GPC5: variants seen among roughly 807,000 people sequenced by gnomAD.
The protein encoded by GPC5 is glypican-5.
A neutral mutation model predicts 53.9 loss-of-function variants in GPC5; 47 were observed. That is an observed-to-expected ratio of 0.87 (90% CI 0.69 to 1.11). GPC5 has a LOEUF of 1.11. Ranked by LOEUF, GPC5 falls within the 50% of genes most tolerant of loss-of-function variation. The probability of loss-of-function intolerance (pLI) is 0.00; values close to 1 mark genes in which losing one functional copy is unlikely to be tolerated. For synonymous variants in GPC5, 286 were observed against 263.3 expected, an observed-to-expected ratio of 1.09 and a Z score of -0.84; for missense variants, 748 against 713.1, an observed-to-expected ratio of 1.05 and a Z score of -0.56.
chr13:92,019,810 A>C (rs1451904925), intron 6 of GPC5, among the ~76,000 whole-genome samples: 1 of 152,116 alleles, frequency 6.6e-6, no homozygotes, highest in Non-Finnish European at 1.5e-5. Flanking sequence ...TTCTTTTGGC[A>C]TTCACTTTAT....
At position 92,180,458 on chromosome 13, in the gene GPC5, A is replaced by G. The variant is rs1464938273; in HGVS notation, c.1561+35469A>G. On this transcript the variant is annotated intron_variant, in intron 7 of 7. Coordinates refer to ENST00000377067, the MANE Select transcript of GPC5 (RefSeq NM_004466.6). ...AATAAAGAGCAGAAGTAAATTCTCC[A>G]AATGTCAACAGTGGTCACCTTTAAG... Among the ~76,000 whole-genome samples the G allele has an allele frequency of 2.6e-5, 4 of 152,198 alleles. No individual in the cohort carries two copies. In the East Asian group the frequency reaches 5.8e-4, roughly 22 times the overall value.
chr13:92,456,958 G>A (rs1438784121), intron 7 of GPC5, among the ~76,000 whole-genome samples: 1 of 152,044 alleles, frequency 6.6e-6, no homozygotes, highest in African/African-American at 2.4e-5. Context: ...CAGGTACTAA[G>A]AATAGTACCC....
chr13:92,750,573 T>C (rs183661877), intron 7 of GPC5, among the ~76,000 whole-genome samples: 3 of 152,182 alleles, frequency 2.0e-5, no homozygotes, highest in South Asian at 4.2e-4. Flanking sequence ...GAAAAGGAAA[T>C]TGTCCTTATG....
rs570073109 is a variant in GPC5 at position 91,471,278 on chromosome 13, T to C, written c.325+22356T>C. ...TTTGAGTTGCCTCTTTTCCTGGTGA[T>C]CATGAACCACCTGCTGTTTTTTTTT... On this transcript the variant is annotated intron_variant, in intron 2 of 7. Transcript: ENST00000377067. 1.5e-3 allele frequency among the ~76,000 whole-genome samples: 232 copies of C among 152,210 alleles called. 2 individuals carry two copies. The highest frequency in any genetic ancestry group is 1.7e-3 in the Non-Finnish European group (115 of 67,988).
Position 91,399,181 on chromosome 13 carries a change from CA to C in GPC5, c.136del (p.Arg46GlyfsTer51). On this transcript the variant is annotated frameshift_variant, in exon 1 of 8. Transcript: ENST00000377067. LOFTEE classifies it high-confidence loss of function. ...TCCAGTGGCGGCTGCTGGGAGCTGT[CA>C]GGGGGCTGCCGGATTCGCCGCGGGC... ...LFQWRLLGAV[R>X]GLPDSPRAGP... 1 of 1,612,564 alleles carries C rather than the reference CA, an allele frequency of 6.2e-7. No homozygotes were observed. Among genetic ancestry groups the C allele is most frequent in the Non-Finnish European group, 8.5e-7 (1 of 1,179,678 alleles).
At chr13:92,401,584 A>T (rs1372741126) in intron 7 of GPC5, among the ~76,000 whole-genome samples, 1 of 152,128 alleles carries the variant, frequency 6.6e-6, no homozygotes, top group Non-Finnish European at 1.5e-5. Flanking sequence ...GTCCTGCAAA[A>T]ATTGTACTTA....
At chr13:91,576,606 C>T (rs1016875461) in intron 2 of GPC5, among the ~76,000 whole-genome samples, 2 of 152,122 alleles carry the variant, frequency 1.3e-5, no homozygotes, top group African/African-American at 4.8e-5. Flanking sequence ...TGTGTTAACA[C>T]ATGCAGAGAT....
chr13:92,075,657 A>G (rs1179238116), intron 6 of GPC5, among the ~76,000 whole-genome samples: 1 of 152,196 alleles, frequency 6.6e-6, no homozygotes, highest in Non-Finnish European at 1.5e-5. Context: ...TGTATGTCAT[A>G]TCATGACAAA....
chr13:91,578,940 G>C (rs2032243220), intron 2 of GPC5, among the ~76,000 whole-genome samples: 1 of 152,012 alleles, frequency 6.6e-6, no homozygotes, highest in Non-Finnish European at 1.5e-5. Context: ...CCAGTCACTT[G>C]GAGGCTGAGG....
chr13:91,944,200 A>C (rs1340454927), intron 6 of GPC5, among the ~76,000 whole-genome samples: 4 of 151,674 alleles, frequency 2.6e-5, no homozygotes, highest in Non-Finnish European at 4.4e-5. Flanking sequence ...GGTTCACGTC[A>C]ATCTCCCGCC....
At chr13:92,665,020 AC>A (rs1389878044) in intron 7 of GPC5, among the ~76,000 whole-genome samples, 2 of 152,184 alleles carry the variant, frequency 1.3e-5, no homozygotes, top group Non-Finnish European at 1.5e-5. Flanking sequence ...TACAAAAAAA[AC>A]AGTAGAAATC....
At position 91,974,527 on chromosome 13, in the gene GPC5, A is replaced by C. The variant is rs1294771291; in HGVS notation, c.1401+66470A>C. Among the ~76,000 whole-genome samples the C allele has an allele frequency of 1.3e-4, 20 of 152,158 alleles. 1 individual carries two copies. The Middle Eastern group carries it at 0.01, about 78-fold the overall frequency. On this transcript the variant is annotated intron_variant, in intron 6 of 7. Coordinates refer to ENST00000377067, the MANE Select transcript of GPC5 (RefSeq NM_004466.6). ...GTGAACTCCCATTCACAATTGCTTC[A>C]AAGAGAATAAAATACCTAGGAATCC...
At chr13:92,318,632 T>C (rs78550501) in intron 7 of GPC5, among the ~76,000 whole-genome samples, 3,794 of 152,240 alleles carry the variant, frequency 0.025, 168 homozygotes, top group African/African-American at 0.085. Context: ...ATCTTAAGAA[T>C]AGAAATACTG....
At chr13:91,510,362 A>T (rs1885171504) in intron 2 of GPC5, among the ~76,000 whole-genome samples, 1 of 152,202 alleles carries the variant, frequency 6.6e-6, no homozygotes, top group African/African-American at 2.4e-5. Context: ...TGAGCACAGA[A>T]ACGTTATGTG....
At chr13:92,178,962 C>A (rs999886358) in intron 7 of GPC5, among the ~76,000 whole-genome samples, 3 of 151,922 alleles carry the variant, frequency 2.0e-5, no homozygotes, top group African/African-American at 4.8e-5. Flanking sequence ...CAGAGCGGGA[C>A]CCTGTCTCAA....
intron 7 of GPC5, among the ~76,000 whole-genome samples, chr13:92,349,293 G>A (rs962238638): frequency 2.2e-4 from 33 of 152,096 alleles, no homozygotes; most frequent in Non-Finnish European, 2.2e-4. Flanking sequence ...ACAGGCATGC[G>A]CCATGACAGC....
intron 5 of GPC5, among the ~76,000 whole-genome samples, chr13:91,833,688 A>G (rs1043454791): frequency 6.6e-6 from 1 of 152,198 alleles, no homozygotes; most frequent in Non-Finnish European, 1.5e-5. Context: ...ACAAAATTCA[A>G]TACCCCTTCA....
intron 7 of GPC5, among the ~76,000 whole-genome samples, chr13:92,681,275 T>G (rs1189725169): frequency 2.6e-5 from 4 of 152,142 alleles, no homozygotes; most frequent in Non-Finnish European, 4.4e-5. Context: ...CAATAAACAG[T>G]TGTAGTATTG....
chr13:91,862,516 A>T (rs1380894287), intron 5 of GPC5, among the ~76,000 whole-genome samples: 1 of 152,222 alleles, frequency 6.6e-6, no homozygotes, highest in Non-Finnish European at 1.5e-5. Flanking sequence ...CACAACGAAG[A>T]ATTATATGGC....
Sources: allele counts gnomAD v4.1 joint callset (sites outside exome capture counted in the v4.1 genomes callset), GRCh38; gene constraint gnomAD v4.1.1; transcripts MANE v1.5; gene names NCBI Gene and HGNC (gene_info 2026-07-23, HGNC 2026-07-21).